The following PDE1C variants were observed in gnomAD, a reference collection of about 807,000 sequenced individuals.
PDE1C encodes the protein phosphodiesterase 1C, also known as dual specificity calcium/calmodulin-dependent 3',5'-cyclic nucleotide phosphodiesterase 1C.
A neutral mutation model predicts 93.1 loss-of-function variants in PDE1C; 62 were observed. The observed-to-expected ratio is 0.67, with a 90% confidence interval of 0.54 to 0.82. The LOEUF (loss-of-function observed/expected upper bound fraction) is 0.82, where lower values mean the gene tolerates loss of function less well. Ranked by LOEUF, PDE1C falls within the 40% of genes least tolerant of loss-of-function variation. The pLI is 0.00. For synonymous variants in PDE1C, 325 were observed against 310.1 expected, an observed-to-expected ratio of 1.05 and a Z score of -0.50; for missense variants, 742 against 884.6, an observed-to-expected ratio of 0.84 and a Z score of 2.04.
chr7:31,749,761 A>G (rs575822054), downstream of PDE1C, among the ~76,000 whole-genome samples: 25 of 133,308 alleles, frequency 1.9e-4, no homozygotes, highest in African/African-American at 6.7e-4. Flanking sequence ...TATTTGAGAC[A>G]GAGTCTCACT....
At chr7:32,209,574 T>C (rs1471538483) in intron 1 of PDE1C, 32 of 1,518,574 alleles carry the variant, frequency 2.1e-5, no homozygotes, top group Non-Finnish European at 2.9e-5. Context: ...TTTAAATAAA[T>C]AAAGCAATGT....
chr7:31,956,598 C>T (rs1423857234), intron 2 of PDE1C, among the ~76,000 whole-genome samples: 1 of 151,508 alleles, frequency 6.6e-6, no homozygotes, highest in Non-Finnish European at 1.5e-5. Flanking sequence ...ATAGGTTACA[C>T]AGAAGCAAAT....
intron 16 of PDE1C, among the ~76,000 whole-genome samples, chr7:31,794,635 C>G (rs1369953861): frequency 5.9e-5 from 9 of 151,946 alleles, no homozygotes; most frequent in Non-Finnish European, 1.2e-4. Context: ...GCCCCCAATG[C>G]CTGGCCCACT....
At chr7:31,671,160 T>C in the PDE1C span, among the ~76,000 whole-genome samples, 1 of 152,158 alleles carries the variant, frequency 6.6e-6, no homozygotes, top group African/African-American at 2.4e-5. Flanking sequence ...GCTGCCACAC[T>C]GACCCTTCAC....
At chr7:31,865,221 T>C (rs1189108173) in intron 6 of PDE1C, 139 bp from the exon 7 acceptor site, 8 of 713,052 alleles carry the variant, frequency 1.1e-5, no homozygotes, top group Middle Eastern at 2.8e-4. Flanking sequence ...TTAATAAAAA[T>C]TACTGACAAA....
At chr7:32,220,221 T>C (rs12531292) in intron 1 of PDE1C, among the ~76,000 whole-genome samples, 18,609 of 152,168 alleles carry the variant, frequency 0.12, 1,233 homozygotes, top group East Asian at 0.23. Context: ...CAGTCCACCC[T>C]GGACAAGGCA....
At chr7:31,995,266 G>A (rs550768832) in intron 2 of PDE1C, among the ~76,000 whole-genome samples, 104 of 152,266 alleles carry the variant, frequency 6.8e-4, no homozygotes, top group Non-Finnish European at 1.2e-3. Context: ...GAGGAAGGGA[G>A]AGAGCCACTG....
At chr7:31,852,305 G>A (rs1388549321) in intron 7 of PDE1C, among the ~76,000 whole-genome samples, 1 of 152,160 alleles carries the variant, frequency 6.6e-6, no homozygotes, top group Non-Finnish European at 1.5e-5. Context: ...AGCATGAAAT[G>A]TCAGGAAGCT....
chr7:32,336,084 T>C lies in PDE1C; in HGVS notation c.310+91738A>G, dbSNP rs992281991. 7.2e-5 allele frequency among the ~76,000 whole-genome samples: 11 copies of C among 152,260 alleles called. No homozygotes were observed. In the South Asian group the frequency reaches 1.7e-3, roughly 23 times the overall value. On this transcript the variant is annotated intron_variant, in intron 1 of 1. Coordinates refer to the PDE1C transcript ENST00000672256. Reference sequence around the variant, plus strand: ...CATATTAATTCATCAGGGGGCACAGTTCAGCCGATAACAAGTTCCTATCAA... The same window carrying C: ...CATATTAATTCATCAGGGGGCACAGCTCAGCCGATAACAAGTTCCTATCAA...
chr7:32,405,592 G>A (rs1411585181), intron 1 of PDE1C, among the ~76,000 whole-genome samples: 1 of 152,054 alleles, frequency 6.6e-6, no homozygotes, highest in Non-Finnish European at 1.5e-5. Context: ...ACTTCTTTTA[G>A]CGTGCTCCTA....
At chr7:32,285,398 T>G (rs1303133743) in intron 1 of PDE1C, among the ~76,000 whole-genome samples, 1 of 152,206 alleles carries the variant, frequency 6.6e-6, no homozygotes, top group Non-Finnish European at 1.5e-5. Flanking sequence ...AAGACATGTA[T>G]GTAAATATTT....
At chr7:31,642,530 G>T in the PDE1C span, among the ~76,000 whole-genome samples, 1 of 152,190 alleles carries the variant, frequency 6.6e-6, no homozygotes, top group Non-Finnish European at 1.5e-5. Context: ...TAGAGAGGAG[G>T]ACCTTGGTAA....
chr7:31,640,599 G>A, the PDE1C span, among the ~76,000 whole-genome samples: 1 of 151,936 alleles, frequency 6.6e-6, no homozygotes, highest in Non-Finnish European at 1.5e-5. Context: ...TGTTTCTCAA[G>A]GACTGCTGTC....
chr7:32,089,356 T>TG (rs1396653713), intron 3 of PDE1C, among the ~76,000 whole-genome samples: 1 of 152,154 alleles, frequency 6.6e-6, no homozygotes, highest in Non-Finnish European at 1.5e-5. Context: ...TACAGAACCC[T>TG]GGGGCCTCTC....
chr7:32,116,520 G>A (rs140257169), intron 3 of PDE1C, among the ~76,000 whole-genome samples: 137 of 152,174 alleles, frequency 9.0e-4, no homozygotes, highest in African/African-American at 2.6e-3. Context: ...CAAATGGCAG[G>A]GGGCCTGCTC....
chr7:32,185,114 C>CA (rs1300704948), intron 2 of PDE1C, among the ~76,000 whole-genome samples: 8 of 135,092 alleles, frequency 5.9e-5, no homozygotes, highest in Non-Finnish European at 7.8e-5. Context: ...TCTGTCCCCC[C>CA]ACAAAAAAAA....
intron 1 of PDE1C, among the ~76,000 whole-genome samples, chr7:32,408,873 A>G (rs1157109201): frequency 6.6e-6 from 1 of 152,224 alleles, no homozygotes; most frequent in Non-Finnish European, 1.5e-5. Context: ...TAGATGAAAA[A>G]GAAAATTTTC....
rs1812395134 is a variant in PDE1C, at chr7:31,981,691, TCTTCA to T, written c.128+69858_128+69862del. On this transcript the variant is annotated intron_variant, in intron 2 of 17. Transcript: ENST00000396191. ...TTTTTCTAGACAGCCATACCTACTT[TCTTCA>T]CTTAAGTAGTTGACACTTATATAAC... 4.6e-5 allele frequency among the ~76,000 whole-genome samples: 7 copies of T among 152,358 alleles called. No individual in the cohort carries two copies. In the South Asian group the frequency reaches 1.5e-3, roughly 32 times the overall value.
At chr7:32,049,954 ATGGTATAGCCTACTACATGCCTAGGCTGT>A (rs1793124479) in intron 2 of PDE1C, among the ~76,000 whole-genome samples, 1 of 152,198 alleles carries the variant, frequency 6.6e-6, no homozygotes, top group South Asian at 2.1e-4. Context: ...ACAAACCTAG[ATGGTATAGCCTACTACATGCCTAGGCTGT>A]TGGTATAGCC....
Sources: gnomAD v4.1 joint callset for allele counts (sites outside exome capture counted in the v4.1 genomes callset) on GRCh38, gnomAD v4.1.1 for gene constraint, MANE v1.5 for transcripts, NCBI Gene and HGNC (gene_info 2026-07-23, HGNC 2026-07-21) for gene names.